INPP4B: variants seen among roughly 807,000 people sequenced by gnomAD.
The protein encoded by INPP4B is inositol polyphosphate-4-phosphatase type II B, also known as inositol polyphosphate 4-phosphatase type II.
Under a neutral mutation model 122.5 loss-of-function variants are expected in INPP4B, and 55 were observed. That is an observed-to-expected ratio of 0.45 (90% CI 0.36 to 0.56). INPP4B has a LOEUF of 0.56. INPP4B is among the 20% of genes least tolerant of loss of function. The pLI is 0.00. For synonymous variants in INPP4B, 403 were observed against 388.7 expected, an observed-to-expected ratio of 1.04 and a Z score of -0.43; for missense variants, 1,000 against 1,097.7, an observed-to-expected ratio of 0.91 and a Z score of 1.26.
intron 1 of INPP4B, among the ~76,000 whole-genome samples, chr4:142,838,034 T>G (rs1008193032): frequency 2.0e-4 from 24 of 117,134 alleles, no homozygotes; most frequent in East Asian, 4.7e-4. Context: ...GAAAGTGGTG[T>G]TTTTTTTTTT....
rs565361407 is a variant in INPP4B, at chr4:142,599,679, C to G, written c.-191+126160G>C. Among the ~76,000 whole-genome samples the G allele has an allele frequency of 4.0e-5, 6 of 151,726 alleles. No individual in the cohort carries two copies. In the South Asian group the frequency reaches 8.3e-4, roughly 21 times the overall value. ...TATAAGAATTTCTTAGCAACAGATC[C>G]TAATAAAAGAAAAATTGCAAAATCT... On this transcript the variant is annotated intron_variant, in intron 2 of 25. Coordinates refer to ENST00000262992, the MANE Select transcript of INPP4B (RefSeq NM_001101669.3).
intron 1 of INPP4B, among the ~76,000 whole-genome samples, chr4:142,732,260 C>T (rs1193608946): frequency 1.3e-5 from 2 of 152,102 alleles, no homozygotes; most frequent in African/African-American, 4.8e-5. Flanking sequence ...CATCTACTCA[C>T]ATGCTGATGA....
intron 5 of INPP4B, among the ~76,000 whole-genome samples, chr4:142,416,732 G>T (rs1252657192): frequency 1.3e-5 from 2 of 152,044 alleles, no homozygotes; most frequent in Non-Finnish European, 2.9e-5. Flanking sequence ...CTCCAGTTTC[G>T]CTTCAGTCAT....
intron 25 of INPP4B, among the ~76,000 whole-genome samples, chr4:142,069,873 A>G (rs1765970576): frequency 6.6e-6 from 1 of 152,230 alleles, no homozygotes; most frequent in Non-Finnish European, 1.5e-5. Context: ...GTCCAGGACC[A>G]GATGTATTCA....
intron 7 of INPP4B, among the ~76,000 whole-genome samples, chr4:142,377,037 C>T (rs10009855): frequency 0.22 from 33,177 of 151,758 alleles, 4,351 homozygotes; most frequent in East Asian, 0.44. Flanking sequence ...CATGCATTAA[C>T]ACCACTTATA....
chr4:142,174,556 C>A (rs562080968), intron 15 of INPP4B, among the ~76,000 whole-genome samples: 2 of 152,020 alleles, frequency 1.3e-5, no homozygotes, highest in African/African-American at 2.4e-5. Flanking sequence ...TATCACGACA[C>A]TTTTTCTTCT....
At chr4:142,029,654 CAA>C (rs1337521375) in intron 25 of INPP4B, 53 of 985,250 alleles carry the variant, frequency 5.4e-5, no homozygotes, top group Non-Finnish European at 6.3e-5. Flanking sequence ...TTAATTGCAG[CAA>C]AGAAGTAAAA....
intron 2 of INPP4B, among the ~76,000 whole-genome samples, chr4:142,702,086 C>A (rs1761857071): frequency 6.6e-6 from 1 of 152,112 alleles, no homozygotes. Context: ...TGTTAGCAGT[C>A]TTACCAATAC....
intron 2 of INPP4B, among the ~76,000 whole-genome samples, chr4:142,642,770 T>C (rs1750814912): frequency 6.6e-6 from 1 of 152,212 alleles, no homozygotes; most frequent in Non-Finnish European, 1.5e-5. Context: ...TGGTTCTATA[T>C]GAACTTTAAA....
At chr4:142,804,056 C>CATAAATAAATAA (rs369611706) in intron 1 of INPP4B, among the ~76,000 whole-genome samples, 14 of 141,740 alleles carry the variant, frequency 9.9e-5, no homozygotes, top group East Asian at 2.0e-4. Context: ...GAGACTCCAT[C>CATAAATAAATAA]ATAAATAAAT....
intron 12 of INPP4B, among the ~76,000 whole-genome samples, chr4:142,212,537 CA>C (rs563525924): frequency 1.3e-5 from 2 of 152,162 alleles, no homozygotes; most frequent in Non-Finnish European, 2.9e-5. Flanking sequence ...TTTCCTTGCT[CA>C]GATTTTGTGG....
At chr4:142,072,540 C>CT (rs768906284) in intron 25 of INPP4B, among the ~76,000 whole-genome samples, 1,768 of 134,502 alleles carry the variant, frequency 0.013, 12 homozygotes, top group African/African-American at 0.021. Flanking sequence ...GTGGAAATGA[C>CT]TTTTTTTTTT....
chr4:142,049,965 T>A (rs911897494), intron 25 of INPP4B, among the ~76,000 whole-genome samples: 4 of 151,988 alleles, frequency 2.6e-5, no homozygotes, highest in African/African-American at 9.7e-5. Context: ...ACACCATATC[T>A]CATTACTCAA....
chr4:142,641,730 G>A (rs911536069), intron 2 of INPP4B, among the ~76,000 whole-genome samples: 2 of 152,058 alleles, frequency 1.3e-5, no homozygotes, highest in Non-Finnish European at 1.5e-5. Flanking sequence ...ATAAACATAC[G>A]TGTGCATGTG....
chr4:142,516,141 G>A (rs990289774), intron 2 of INPP4B, among the ~76,000 whole-genome samples: 2 of 152,106 alleles, frequency 1.3e-5, no homozygotes, highest in African/African-American at 2.4e-5. Context: ...TTCAGGGGAA[G>A]GTTTTCAGCA....
chr4:142,228,686 A>C (rs1852718588), intron 12 of INPP4B, among the ~76,000 whole-genome samples: 1 of 151,918 alleles, frequency 6.6e-6, no homozygotes, highest in South Asian at 2.1e-4. Context: ...AGTACAATAG[A>C]AAAAATACAC....
intron 12 of INPP4B, among the ~76,000 whole-genome samples, chr4:142,221,265 T>C (rs1288713784): frequency 6.6e-6 from 1 of 151,628 alleles, no homozygotes; most frequent in African/African-American, 2.4e-5. Flanking sequence ...CCAGGCTTGG[T>C]GGCAGGCACC....
chr4:142,429,085 T>C (rs1808732985), intron 5 of INPP4B, 88 bp downstream of exon 5: 2 of 653,058 alleles, frequency 3.1e-6, no homozygotes, highest in Non-Finnish European at 2.7e-6. Context: ...TTGTCAAATA[T>C]GTACTGATGT....
At chr4:142,482,326 G>C (rs1042455235) in intron 2 of INPP4B, among the ~76,000 whole-genome samples, 8 of 152,114 alleles carry the variant, frequency 5.3e-5, no homozygotes, top group African/African-American at 1.2e-4. Context: ...CACACAGGAA[G>C]CCTATCTGTC....
Sources: gnomAD v4.1 joint callset for allele counts (sites outside exome capture counted in the v4.1 genomes callset) on GRCh38, gnomAD v4.1.1 for gene constraint, MANE v1.5 for transcripts, NCBI Gene and HGNC (gene_info 2026-07-23, HGNC 2026-07-21) for gene names.